Variants in ALKBH8 observed in about 807,000 individuals in gnomAD.
The protein encoded by ALKBH8 is alkB homolog 8, tRNA methyltransferase.
In ALKBH8, 36 loss-of-function variants were observed where a neutral mutation model predicts 59.8. The ratio of observed to expected loss-of-function variants is 0.60; its 90% CI spans 0.46 to 0.79. ALKBH8 has a LOEUF of 0.79. Among genes scored for constraint, ALKBH8 ranks in the 30% least tolerant of loss-of-function variants. The pLI, the probability that ALKBH8 is intolerant of heterozygous loss-of-function variation, is 0.00. For synonymous variants in ALKBH8, 276 were observed against 273.6 expected (o/e 1.01, Z -0.09); for missense variants, 768 against 801.0 (o/e 0.96, Z 0.50).
chr11:107,564,388 T>A lies in ALKBH8; in HGVS notation c.-7+1213A>T, dbSNP rs75144991. Among the ~76,000 whole-genome samples, 904 of 152,264 alleles carry A rather than the reference T, an allele frequency of 5.9e-3. 8 individuals are homozygous for A. The highest frequency in any genetic ancestry group is 0.02 in the African/African-American group (843 of 41,550). Reference sequence around the variant, plus strand: ...GTTTAAAAAAATGCAAAAACCATGATTACTTTTGCACAACCTAATAATTAA... The same window carrying A: ...GTTTAAAAAAATGCAAAAACCATGAATACTTTTGCACAACCTAATAATTAA... On this transcript the variant is annotated intron_variant, in intron 1 of 11. Transcript: ENST00000428149.
In ALKBH8 at chr11:107,504,696, C is replaced by T. The variant is rs117249984; in HGVS notation, c.1957G>A (p.Asp653Asn). 9 of 1,549,696 alleles carry T rather than the reference C, an allele frequency of 5.8e-6. No individual in the cohort carries two copies. In the African/African-American group the frequency reaches 6.9e-5, roughly 12 times the overall value. The change falls in exon 12 of 12, where the codon GAT becomes AAT. Residue 653 changes from aspartate to asparagine, a missense_variant. Coordinates refer to ENST00000428149, the MANE Select transcript of ALKBH8 (RefSeq NM_138775.3). Reference sequence around the variant, plus strand: ...AGAATCACACACCAGTTTCCTTGATCGTAGTAGCTTTGCAGAATTCTGACA... The same window carrying T: ...AGAATCACACACCAGTTTCCTTGATTGTAGTAGCTTTGCAGAATTCTGACA... ...SDVRILQSYYDQGNWCVILQK... is the reference protein window; with the variant it reads ...SDVRILQSYYNQGNWCVILQK...
chr11:107,559,907 T>G (rs536466861), intron 2 of ALKBH8, among the ~76,000 whole-genome samples: 15 of 152,312 alleles, frequency 9.8e-5, no homozygotes, highest in Admixed American at 9.2e-4. Flanking sequence ...TTCTCAATTG[T>G]ATGTCCACCC....
intron 11 of ALKBH8, among the ~76,000 whole-genome samples, chr11:107,506,901 T>A (rs993865160): frequency 2.0e-5 from 3 of 151,874 alleles, no homozygotes; most frequent in African/African-American, 7.3e-5. Flanking sequence ...TAAATGAAGG[T>A]TGAGAGCTTA....
At chr11:107,538,443 T>A (rs938627019) in intron 7 of ALKBH8, among the ~76,000 whole-genome samples, 1 of 152,342 alleles carries the variant, frequency 6.6e-6, no homozygotes, top group South Asian at 2.1e-4. Flanking sequence ...TGCTGAATCA[T>A]TCTGTTATGT....
At chr11:107,561,238 C>T (rs1405655722) in intron 1 of ALKBH8, among the ~76,000 whole-genome samples, 1 of 151,922 alleles carries the variant, frequency 6.6e-6, no homozygotes, top group Non-Finnish European at 1.5e-5. Context: ...ATAACGTAAA[C>T]CAAGGCAAGG....
At position 107,524,613 on chromosome 11, in the gene ALKBH8, G is replaced by C. The variant is rs1591272115; in HGVS notation, c.1030+828C>G. On this transcript the variant is annotated intron_variant, in intron 9 of 11. Transcript: ENST00000428149. ...AACTTTTAAAATTTGATATTTTAAG[G>C]CTTCAAGGACACTTTTAGTAAAATA... 3.9e-5 allele frequency among the ~76,000 whole-genome samples: 6 copies of C among 151,962 alleles called. No individual in the cohort carries two copies. In the South Asian group the frequency reaches 1.3e-3, roughly 32 times the overall value.
At chr11:107,534,742 T>C (rs574945312) in intron 7 of ALKBH8, among the ~76,000 whole-genome samples, 156 of 145,846 alleles carry the variant, frequency 1.1e-3, no homozygotes, top group African/African-American at 3.8e-3. Flanking sequence ...CTGTATCAAA[T>C]TGACCATTCC....
At chr11:107,531,179 C>T (rs951706225) in intron 8 of ALKBH8, among the ~76,000 whole-genome samples, 2 of 151,920 alleles carry the variant, frequency 1.3e-5, no homozygotes, top group Non-Finnish European at 2.9e-5. Flanking sequence ...TAATGGCTCA[C>T]ATTTAGGACA....
Position 107,505,061 on chromosome 11 carries a change from A to T in ALKBH8, c.1592T>A (p.Met531Lys). Residue 531 changes from methionine to lysine, a missense_variant, in exon 12 of 12, where the codon ATG becomes AAG. Transcript: ENST00000428149. Reference protein sequence around the residue: ...NRNSQGKKEEMNSDTSVQRSL... With the variant: ...NRNSQGKKEEKNSDTSVQRSL... The stretch of plus-strand genomic sequence containing the variant: ...CCTCTGCACTGAGGTATCACTGTTC[A>T]TCTCCTCTTTCTTTCCTTGGCTATT... 1 of 1,551,620 alleles carries T rather than the reference A, an allele frequency of 6.4e-7. No homozygotes were observed. The highest frequency in any genetic ancestry group is 1.2e-5 in the South Asian group (1 of 84,056).
In ALKBH8 at chr11:107,503,460, A is replaced by G. The variant is rs1379555794; in HGVS notation, c.*1198T>C. On this transcript the variant is annotated 3_prime_UTR_variant, in exon 12 of 12. Transcript: ENST00000428149. ...CTTAAGCATTACTACTACAAAAGTA[A>G]TGCATACTGGGAGTAAAGTGTTCAA... The G allele has an allele frequency of 6.6e-6, 1 of 152,198 alleles. No homozygotes were observed. Among genetic ancestry groups the G allele is most frequent in the Non-Finnish European group, 1.5e-5 (1 of 68,022 alleles). The allele number at this position is 152,198 out of a possible 1,614,324, so 9.4% of individuals were successfully genotyped here.
At chr11:107,555,132 C>T (rs1380273398) in intron 3 of ALKBH8, among the ~76,000 whole-genome samples, 2 of 152,060 alleles carry the variant, frequency 1.3e-5, no homozygotes, top group African/African-American at 4.8e-5. Flanking sequence ...CAGTGGCGGG[C>T]ACCTGTAGTC....
At chr11:107,526,509 T>C (rs1239145466) in intron 8 of ALKBH8, among the ~76,000 whole-genome samples, 1 of 151,900 alleles carries the variant, frequency 6.6e-6, no homozygotes. Flanking sequence ...AAATAGCAGG[T>C]ATTTTCTCTC....
At chr11:107,512,309 T>TG (rs144316840) in intron 10 of ALKBH8, among the ~76,000 whole-genome samples, 1 of 138,896 alleles carries the variant, frequency 7.2e-6, no homozygotes, top group South Asian at 2.6e-4. Context: ...AAGGGTTTTT[T>TG]TTTGTTTGTT....
chr11:107,551,020 G>A (rs2135570713), intron 6 of ALKBH8, among the ~76,000 whole-genome samples: 1 of 152,334 alleles, frequency 6.6e-6, no homozygotes, highest in Non-Finnish European at 1.5e-5. Flanking sequence ...AACGTCAGAT[G>A]AAGATGCTGC....
chr11:107,505,884 G>A (rs144668592), intron 11 of ALKBH8, among the ~76,000 whole-genome samples: 2 of 152,336 alleles, frequency 1.3e-5, no homozygotes, highest in African/African-American at 2.4e-5. Context: ...TCAGAGTACA[G>A]GGAGGTCAAA....
At chr11:107,532,239 A>G in intron 8 of ALKBH8, 61 bp downstream of exon 8, 1 of 1,444,500 alleles carries the variant, frequency 6.9e-7, no homozygotes, top group African/African-American at 1.4e-5. Flanking sequence ...CCCGTGGCTC[A>G]AACACAGAAG....
intron 8 of ALKBH8, among the ~76,000 whole-genome samples, chr11:107,529,921 C>T (rs959738837): frequency 6.6e-6 from 1 of 152,090 alleles, no homozygotes; most frequent in Non-Finnish European, 1.5e-5. Flanking sequence ...AGCCTTAGAT[C>T]AGGGAGTAAC....
chr11:107,508,906 T>C (rs544004064), intron 11 of ALKBH8, among the ~76,000 whole-genome samples: 2 of 152,332 alleles, frequency 1.3e-5, no homozygotes, highest in East Asian at 3.9e-4. Context: ...TATCTATTCA[T>C]CCATTAATGA....
intron 8 of ALKBH8, among the ~76,000 whole-genome samples, chr11:107,527,873 G>A (rs991507521): frequency 5.3e-5 from 8 of 151,844 alleles, no homozygotes; most frequent in African/African-American, 7.3e-5. Flanking sequence ...GAGTATGAGC[G>A]GACATCCCTG....
Sources: allele counts gnomAD v4.1 joint callset (sites outside exome capture counted in the v4.1 genomes callset), GRCh38; gene constraint gnomAD v4.1.1; transcripts MANE v1.5; gene names NCBI Gene and HGNC (gene_info 2026-07-23, HGNC 2026-07-21).